The following LMCD1 variants were observed in gnomAD, a reference collection of about 807,000 sequenced individuals.
LMCD1 encodes LIM and cysteine rich domains 1, also known as LIM and cysteine-rich domains protein 1.
LMCD1 carries 32 observed loss-of-function variants against 42.7 expected under a neutral mutation model. The ratio of observed to expected loss-of-function variants is 0.75; its 90% CI spans 0.57 to 1.01. The LOEUF (loss-of-function observed/expected upper bound fraction) is 1.01, where lower values mean the gene tolerates loss of function less well. Among genes scored for constraint, LMCD1 ranks in the 50% least tolerant of loss-of-function variants. LMCD1 has a pLI of 0.00. For synonymous variants in LMCD1, 178 were observed against 184.9 expected (o/e 0.96, Z 0.30); for missense variants, 458 against 483.1 (o/e 0.95, Z 0.49).
chr3:8,521,739 C>T (rs1351216337), intron 1 of LMCD1, among the ~76,000 whole-genome samples: 3 of 152,048 alleles, frequency 2.0e-5, no homozygotes, highest in African/African-American at 4.8e-5. Flanking sequence ...TAGCAGAGCA[C>T]TCATGGTGTC....
intron 3 of LMCD1, among the ~76,000 whole-genome samples, chr3:8,547,956 G>A (rs941937701): frequency 6.6e-6 from 1 of 152,062 alleles, no homozygotes; most frequent in African/African-American, 2.4e-5. Context: ...AGGCTACGCA[G>A]TATAGCCTAT....
intron 4 of LMCD1, among the ~76,000 whole-genome samples, chr3:8,553,633 A>G (rs1020742667): frequency 2.6e-5 from 4 of 152,078 alleles, no homozygotes; most frequent in African/African-American, 4.8e-5. Flanking sequence ...GCCACCTAAA[A>G]TTAGCCTTGG....
chr3:8,553,683 T>C (rs1694877806), intron 4 of LMCD1, among the ~76,000 whole-genome samples: 1 of 152,212 alleles, frequency 6.6e-6, no homozygotes, highest in Non-Finnish European at 1.5e-5. Context: ...AAGCTGTGGC[T>C]GTCCATGCCT....
At chr3:8,502,024 C>T (rs756492290) in intron 1 of LMCD1, 44 bp downstream of exon 1, 1 of 1,413,978 alleles carries the variant, frequency 7.1e-7, no homozygotes, top group Non-Finnish European at 9.2e-7. Context: ...CTTACTTTTT[C>T]TTGTTCCCCT....
At chr3:8,549,007 T>C in intron 4 of LMCD1, 104 bp downstream of exon 4, 1 of 849,684 alleles carries the variant, frequency 1.2e-6, no homozygotes, top group Non-Finnish European at 1.7e-6. Context: ...ATGCATTTAT[T>C]CATGAATTTG....
chr3:8,501,956 G>T lies in LMCD1; in HGVS notation c.18G>T (p.Lys6Asn). MAKVA[K>N]DLNPGVKKMS... ...AGAAGAGGATGGCAAAGGTGGCTAA[G>T]GACCTCAACCCAGGAGTTAAAAAGG... is the stretch of plus-strand genomic sequence containing the variant. The change falls in exon 1 of 6, where the codon AAG becomes AAT. Residue 6 changes from lysine (K) to asparagine (N), a missense_variant. Lys to Asn is a moderately conservative substitution (Grantham distance 94). Coordinates refer to ENST00000157600, the MANE Select transcript of LMCD1 (RefSeq NM_014583.4). 6.3e-7 allele frequency: 1 copy of T among 1,594,340 alleles called. No individual in the cohort carries two copies. Among genetic ancestry groups the T allele is most frequent in the Admixed American group, 1.8e-5 (1 of 57,134 alleles).
At chr3:8,546,569 G>T (rs1694738831) in intron 3 of LMCD1, among the ~76,000 whole-genome samples, 1 of 152,244 alleles carries the variant, frequency 6.6e-6, no homozygotes, top group Admixed American at 6.5e-5. Context: ...CGATTCCAGA[G>T]CCTTTGCTCT....
At chr3:8,550,884 C>A in intron 4 of LMCD1, 3 of 985,236 alleles carry the variant, frequency 3.0e-6, no homozygotes, top group Non-Finnish European at 3.6e-6. Context: ...GATCTGACAT[C>A]GTGTTTTATT....
In LMCD1 at chr3:8,501,874, C is replaced by G; in HGVS notation, c.-65C>G. ...AACTTGGCCATTCAGCCGCCGCTGT[C>G]CCCGCTGCGCGCCCTCGCGCCTCTG... is the stretch of plus-strand genomic sequence containing the variant. On this transcript the variant is annotated 5_prime_UTR_variant, in exon 1 of 6. Coordinates refer to ENST00000157600, the MANE Select transcript of LMCD1 (RefSeq NM_014583.4). 1 of 1,488,554 alleles carries G rather than the reference C, an allele frequency of 6.7e-7. No homozygotes were observed. Among genetic ancestry groups the G allele is most frequent in the Non-Finnish European group, 9.2e-7 (1 of 1,092,186 alleles). The allele number at this position is 1,488,554 out of a possible 1,614,324, so 92.2% of individuals were successfully genotyped here.
In LMCD1 at chr3:8,501,864, C is replaced by A; in HGVS notation, c.-75C>A. 1 of 1,416,310 alleles carries A rather than the reference C, an allele frequency of 7.1e-7. No homozygotes were observed. Among genetic ancestry groups the A allele is most frequent in the Admixed American group, 2.1e-5 (1 of 48,616 alleles). 87.7% of individuals were successfully genotyped at this position (1,416,310 alleles called of 1,614,324 possible). On this transcript the variant is annotated 5_prime_UTR_variant, in exon 1 of 6. Coordinates refer to ENST00000157600, the MANE Select transcript of LMCD1 (RefSeq NM_014583.4). ...CAGGCCCGCGAACTTGGCCATTCAG[C>A]CGCCGCTGTCCCCGCTGCGCGCCCT... is the stretch of plus-strand genomic sequence containing the variant.
At chr3:8,556,598 G>A (rs144492999) in intron 4 of LMCD1, among the ~76,000 whole-genome samples, 50 of 152,272 alleles carry the variant, frequency 3.3e-4, no homozygotes, top group African/African-American at 8.2e-4. Context: ...TAATTAACAG[G>A]TGTTCCCATC....
chr3:8,532,314 A>C (rs1279514501), intron 1 of LMCD1, among the ~76,000 whole-genome samples: 8 of 152,226 alleles, frequency 5.3e-5, no homozygotes, highest in Admixed American at 4.6e-4. Flanking sequence ...CTTTGGTTTA[A>C]TCACACTCTA....
chr3:8,505,315 C>T (rs1243992105), intron 1 of LMCD1, among the ~76,000 whole-genome samples: 1 of 152,206 alleles, frequency 6.6e-6, no homozygotes. Context: ...GGTGCAAAAT[C>T]TGCTTACATG....
At chr3:8,525,778 C>T (rs779251439) in intron 1 of LMCD1, among the ~76,000 whole-genome samples, 1 of 152,140 alleles carries the variant, frequency 6.6e-6, no homozygotes, top group African/African-American at 2.4e-5. Flanking sequence ...ATGGTGAGAC[C>T]AAATGATTCC....
chr3:8,525,129 A>G (rs1694276180), intron 1 of LMCD1, among the ~76,000 whole-genome samples: 2 of 152,226 alleles, frequency 1.3e-5, no homozygotes, highest in African/African-American at 4.8e-5. Flanking sequence ...GCTTTACATT[A>G]GATCTCCAGA....
At position 8,570,734 on chromosome 3, in the gene LMCD1, C is replaced by T. The variant is rs1363645467; in HGVS notation, c.*3136C>T. The T allele has an allele frequency of 6.6e-6, 1 of 152,266 alleles. No individual in the cohort carries two copies. Among genetic ancestry groups the T allele is most frequent in the African/African-American group, 2.4e-5 (1 of 41,468 alleles). The allele number at this position is 152,266 out of a possible 1,614,324, so 9.4% of individuals were successfully genotyped here. A position where few individuals can be genotyped will look rare whatever the true frequency, so the allele number is the denominator to read the frequency against. ...CAGAAACACACCCTCATCTTGCACT[C>T]TCCTCTTCAAGAACAATCAGGGGCT... On this transcript the variant is annotated 3_prime_UTR_variant, in exon 6 of 6. Transcript: ENST00000157600.
chr3:8,514,998 A>C lies in LMCD1; in HGVS notation c.42+13018A>C, dbSNP rs1279272752. 7 of 456,718 alleles carry C rather than the reference A, an allele frequency of 1.5e-5. No homozygotes were observed. The Admixed American group carries it at 1.6e-4, about 11-fold the overall frequency. 28.3% of individuals were successfully genotyped at this position (456,718 alleles called of 1,614,324 possible). ...AGATTGGTGCATTTCGACCGCATGT[A>C]AGTTTTCCTTTGAAGTACTGTTAGA... On this transcript the variant is annotated intron_variant, in intron 1 of 5. Coordinates refer to ENST00000157600, the MANE Select transcript of LMCD1 (RefSeq NM_014583.4).
intron 4 of LMCD1, among the ~76,000 whole-genome samples, chr3:8,565,184 G>T (rs577623582): frequency 6.6e-6 from 1 of 152,000 alleles, no homozygotes; most frequent in South Asian, 2.1e-4. Flanking sequence ...GAGTATAAAG[G>T]GTACTGAGAC....
At chr3:8,526,257 G>A (rs188313919) in intron 1 of LMCD1, among the ~76,000 whole-genome samples, 188 of 152,284 alleles carry the variant, frequency 1.2e-3, no homozygotes, top group Middle Eastern at 3.4e-3. Flanking sequence ...TGAGAAAAAC[G>A]TGTGAGGGCC....
Sources: gnomAD v4.1 joint callset for allele counts (sites outside exome capture counted in the v4.1 genomes callset) on GRCh38, gnomAD v4.1.1 for gene constraint, MANE v1.5 for transcripts, NCBI Gene and HGNC (gene_info 2026-07-23, HGNC 2026-07-21) for gene names.